The following SCFD2 variants were observed in gnomAD, a reference collection of about 807,000 sequenced individuals.
SCFD2 encodes sec1 family domain-containing protein 2.
Under a neutral mutation model 58.9 loss-of-function variants are expected in SCFD2, and 54 were observed. The ratio of observed to expected loss-of-function variants is 0.92; its 90% CI spans 0.74 to 1.15. SCFD2 has a LOEUF of 1.15. Ranked by LOEUF, SCFD2 falls within the 50% of genes most tolerant of loss-of-function variation. SCFD2 has a pLI of 0.00. For synonymous variants in SCFD2, 321 were observed against 335.9 expected, an observed-to-expected ratio of 0.96 and a Z score of 0.49; for missense variants, 805 against 836.6, an observed-to-expected ratio of 0.96 and a Z score of 0.47.
At chr4:52,924,964 T>G (rs1341480027) in intron 5 of SCFD2, among the ~76,000 whole-genome samples, 1 of 152,200 alleles carries the variant, frequency 6.6e-6, no homozygotes, top group African/African-American at 2.4e-5. Context: ...GGGTGAATTA[T>G]TTTCCGTGAT....
At chr4:53,235,287 C>T (rs1165046707) in intron 4 of SCFD2, among the ~76,000 whole-genome samples, 1 of 152,320 alleles carries the variant, frequency 6.6e-6, no homozygotes, top group East Asian at 1.9e-4. Context: ...CCTCTCTGTC[C>T]TAACAGCCAC....
chr4:53,000,723 A>G (rs1170128659), intron 5 of SCFD2, among the ~76,000 whole-genome samples: 1 of 152,208 alleles, frequency 6.6e-6, no homozygotes, highest in Non-Finnish European at 1.5e-5. Context: ...GTACCAGCAG[A>G]GAGAAGCAAG....
intron 5 of SCFD2, among the ~76,000 whole-genome samples, chr4:53,030,231 T>C (rs1722581746): frequency 6.6e-6 from 1 of 152,156 alleles, no homozygotes; most frequent in African/African-American, 2.4e-5. Context: ...ATACTCAGTA[T>C]CATTAGTCAT....
intron 7 of SCFD2, among the ~76,000 whole-genome samples, chr4:52,899,685 G>A (rs113348554): frequency 0.012 from 1,871 of 152,230 alleles, 43 homozygotes; most frequent in African/African-American, 0.043. Context: ...TCCTGAATTT[G>A]AATGTTGGCC....
At chr4:53,192,512 T>TA (rs1187481915) in intron 4 of SCFD2, among the ~76,000 whole-genome samples, 1 of 152,142 alleles carries the variant, frequency 6.6e-6, no homozygotes, top group Non-Finnish European at 1.5e-5. Context: ...TCTGTAAACA[T>TA]AAACTACTGT....
intron 5 of SCFD2, among the ~76,000 whole-genome samples, chr4:53,109,316 A>T (rs1170509146): frequency 6.6e-6 from 1 of 152,202 alleles, no homozygotes; most frequent in Non-Finnish European, 1.5e-5. Context: ...CAAGACAAGG[A>T]TGCCTTCTCT....
chr4:53,300,129 C>A (rs1446020930), intron 3 of SCFD2, among the ~76,000 whole-genome samples: 1 of 152,148 alleles, frequency 6.6e-6, no homozygotes, highest in Non-Finnish European at 1.5e-5. Context: ...GGGCTAAATG[C>A]TCCAATTAAA....
chr4:53,237,352 G>A (rs953879052), intron 4 of SCFD2, among the ~76,000 whole-genome samples: 6 of 151,902 alleles, frequency 3.9e-5, no homozygotes, highest in Non-Finnish European at 7.4e-5. Context: ...ATGAGCTGTT[G>A]GCTACACCTC....
At chr4:53,099,726 G>A (rs981725660) in intron 5 of SCFD2, among the ~76,000 whole-genome samples, 4 of 152,154 alleles carry the variant, frequency 2.6e-5, no homozygotes, top group South Asian at 4.1e-4. Context: ...CCCACTTAGG[G>A]AGGGCATTAG....
At chr4:53,095,575 G>A (rs1724599261) in intron 5 of SCFD2, among the ~76,000 whole-genome samples, 1 of 152,088 alleles carries the variant, frequency 6.6e-6, no homozygotes, top group African/African-American at 2.4e-5. Flanking sequence ...GATAGACACT[G>A]TGATCCTTTA....
intron 4 of SCFD2, among the ~76,000 whole-genome samples, chr4:53,200,245 T>C (rs1439771100): frequency 6.6e-6 from 1 of 152,088 alleles, no homozygotes; most frequent in Non-Finnish European, 1.5e-5. Flanking sequence ...TGAGTGATTA[T>C]TCTGCACCTG....
intron 5 of SCFD2, among the ~76,000 whole-genome samples, chr4:53,126,688 C>T (rs138090346): frequency 6.6e-6 from 1 of 152,272 alleles, no homozygotes; most frequent in East Asian, 1.9e-4. Flanking sequence ...CTTGCAGGTC[C>T]CTCACACGTG....
intron 4 of SCFD2, among the ~76,000 whole-genome samples, chr4:53,215,856 G>T (rs1364111250): frequency 6.6e-6 from 1 of 152,086 alleles, no homozygotes; most frequent in South Asian, 2.1e-4. Flanking sequence ...TTAGCATGAA[G>T]GGCTGCTAAT....
chr4:53,111,239 G>C (rs1199683310), intron 5 of SCFD2, among the ~76,000 whole-genome samples: 1 of 152,038 alleles, frequency 6.6e-6, no homozygotes, highest in Non-Finnish European at 1.5e-5. Context: ...TAAGGTAGGT[G>C]ATGGGTTGAT....
At chr4:52,884,056 C>T (rs1391918497) in intron 8 of SCFD2, among the ~76,000 whole-genome samples, 3 of 152,118 alleles carry the variant, frequency 2.0e-5, no homozygotes, top group African/African-American at 7.2e-5. Context: ...CTCTTGGAGT[C>T]AATAAACCCC....
chr4:53,236,161 G>A (rs1051331214), intron 4 of SCFD2, among the ~76,000 whole-genome samples: 3 of 152,112 alleles, frequency 2.0e-5, no homozygotes, highest in Non-Finnish European at 4.4e-5. Context: ...AGCTGCCAGC[G>A]AATATAAAGC....
In SCFD2 at chr4:53,318,187, T is replaced by C. The variant is rs540636335; in HGVS notation, c.1008-4424A>G. On this transcript the variant is annotated intron_variant, in intron 2 of 8. Transcript: ENST00000401642. ...AATTTTTATTTTTCAGGAATAAAAT[T>C]GAGAACTTTACTATAGCTTACTTCA... Among the ~76,000 whole-genome samples, 31 of 152,344 alleles carry C rather than the reference T, an allele frequency of 2.0e-4. No individual in the cohort carries two copies. In the East Asian group the frequency reaches 5.2e-3, roughly 26 times the overall value.
chr4:53,237,980 C>T (rs1348059641), intron 4 of SCFD2, among the ~76,000 whole-genome samples: 2,356 of 100,384 alleles, frequency 0.023, 21 homozygotes, highest in Non-Finnish European at 0.035. Flanking sequence ...CCCTCCCGGA[C>T]GGGGCGGCTG....
intron 4 of SCFD2, among the ~76,000 whole-genome samples, chr4:53,216,742 G>T (rs1473083630): frequency 6.6e-6 from 1 of 152,094 alleles, no homozygotes; most frequent in Non-Finnish European, 1.5e-5. Context: ...TGATGTTAGG[G>T]TGTCAATTTT....
Sources: gnomAD v4.1 joint callset for allele counts (sites outside exome capture counted in the v4.1 genomes callset) on GRCh38, gnomAD v4.1.1 for gene constraint, MANE v1.5 for transcripts, NCBI Gene and HGNC (gene_info 2026-07-23, HGNC 2026-07-21) for gene names.